CAPN8: variants seen among roughly 807,000 people sequenced by gnomAD.
CAPN8 encodes calpain-8.
A neutral mutation model predicts 80.9 loss-of-function variants in CAPN8; 87 were observed. That is an observed-to-expected ratio of 1.07 (90% CI 0.90 to 1.28). The LOEUF (loss-of-function observed/expected upper bound fraction) is 1.28, where lower values mean the gene tolerates loss of function less well. CAPN8 is among the 50% of genes most tolerant of loss of function. The pLI is 0.00. For synonymous variants in CAPN8, 299 were observed against 273.8 expected (o/e 1.09, Z -0.91); for missense variants, 757 against 702.0 (o/e 1.08, Z -0.89).
intron 16 of CAPN8, among the ~76,000 whole-genome samples, chr1:223,548,499 T>C (rs1656692855): frequency 6.6e-6 from 1 of 152,160 alleles, no homozygotes; most frequent in South Asian, 2.1e-4. Context: ...CTTTGGGAGG[T>C]AATTAGGTCA....
chr1:223,556,621 G>A (rs930091885), intron 13 of CAPN8, among the ~76,000 whole-genome samples: 1 of 152,176 alleles, frequency 6.6e-6, no homozygotes, highest in Admixed American at 6.5e-5. Context: ...CTGTTGCTTG[G>A]GAGCTTTAGA....
At chr1:223,644,845 C>T (rs1658145310) in intron 2 of CAPN8, among the ~76,000 whole-genome samples, 1 of 152,184 alleles carries the variant, frequency 6.6e-6, no homozygotes, top group South Asian at 2.1e-4. Context: ...CTGTAGGCAT[C>T]AGAGTTGTGG....
chr1:223,619,126 G>A (rs1023261307), intron 9 of CAPN8, among the ~76,000 whole-genome samples, 167 bp downstream of exon 9: 5 of 152,278 alleles, frequency 3.3e-5, no homozygotes, highest in Non-Finnish European at 4.4e-5. Flanking sequence ...CCCGGGAGGC[G>A]GAGGTTGTGA....
At chr1:223,642,566 G>C (rs1273121945) in intron 2 of CAPN8, 1 of 325,690 alleles carries the variant, frequency 3.1e-6, no homozygotes, top group Non-Finnish European at 6.0e-6. Flanking sequence ...GGGCCAGGGG[G>C]GTCTTCGGCT....
intron 10 of CAPN8, among the ~76,000 whole-genome samples, chr1:223,613,426 C>T (rs1657085712): frequency 2.6e-5 from 4 of 152,222 alleles, no homozygotes; most frequent in African/African-American, 4.8e-5. Context: ...CCACATGGGC[C>T]GTCTTTCCAC....
intron 11 of CAPN8, among the ~76,000 whole-genome samples, chr1:223,611,888 G>A (rs1272776360): frequency 3.3e-5 from 5 of 152,182 alleles, no homozygotes; most frequent in African/African-American, 1.2e-4. Flanking sequence ...AGCTGAGCAG[G>A]GTGGATGCAC....
intron 2 of CAPN8, among the ~76,000 whole-genome samples, chr1:223,648,558 T>C (rs1571734995): frequency 6.6e-6 from 1 of 152,192 alleles, no homozygotes; most frequent in East Asian, 1.9e-4. Flanking sequence ...AGGCCCCTGT[T>C]CCAGGAGCCC....
Position 223,628,811 on chromosome 1 carries a change from T to C in CAPN8, c.308-31A>G, listed in dbSNP as rs1344906471. The C allele has an allele frequency of 2.6e-6, 4 of 1,529,846 alleles. No homozygotes were observed. In the African/African-American group the frequency reaches 5.5e-5, roughly 21 times the overall value. 94.8% of individuals were successfully genotyped at this position (1,529,846 alleles called of 1,614,324 possible). On this transcript the variant is annotated intron_variant, in intron 2 of 20. Coordinates refer to ENST00000366872, the MANE Select transcript of CAPN8 (RefSeq NM_001143962.2). ...CAGTGTCACAGGGGACACAGATTGGTCAGGCCCAGCCTGCAGGGGCCCTGC... is the reference window on the plus strand; with the variant it reads ...CAGTGTCACAGGGGACACAGATTGGCCAGGCCCAGCCTGCAGGGGCCCTGC...
In CAPN8 at chr1:223,627,419, C is replaced by T. The variant is rs78116221; in HGVS notation, c.561-262G>A. Among the ~76,000 whole-genome samples, 1,425 of 152,322 alleles carry T rather than the reference C, an allele frequency of 9.4e-3. 98 individuals carry two copies. In the East Asian group the frequency reaches 0.15, roughly 16 times the overall value. The stretch of plus-strand genomic sequence containing the variant: ...CCAAGGGCAACCCCTCCAGAGTTGG[C>T]CCCAGCTGCCTGGGTTTCTGGGGGC... On this transcript the variant is annotated intron_variant, in intron 4 of 20. Coordinates refer to ENST00000366872, the MANE Select transcript of CAPN8 (RefSeq NM_001143962.2).
chr1:223,624,040 A>C (rs72747922), intron 6 of CAPN8, among the ~76,000 whole-genome samples: 3,190 of 152,056 alleles, frequency 0.021, 43 homozygotes, highest in Non-Finnish European at 0.034. Context: ...TTTATGAAAC[A>C]CAAACACATG....
intron 2 of CAPN8, among the ~76,000 whole-genome samples, chr1:223,631,969 C>T (rs929720771): frequency 1.3e-5 from 2 of 152,162 alleles, no homozygotes; most frequent in Non-Finnish European, 2.9e-5. Context: ...AAGCTTCTTC[C>T]GACAGCCCAC....
intron 17 of CAPN8, 111 bp from the exon 18 acceptor site, chr1:223,544,961 A>C (rs1313132863): frequency 6.6e-7 from 1 of 1,518,300 alleles, no homozygotes; most frequent in Non-Finnish European, 8.8e-7. Context: ...TTTCAAAAGG[A>C]GACCCTATTG....
At chr1:223,544,963 AC>A in intron 17 of CAPN8, 113 bp from the exon 18 acceptor site, 1 of 1,506,232 alleles carries the variant, frequency 6.6e-7, no homozygotes, top group East Asian at 2.5e-5. Flanking sequence ...TCAAAAGGAG[AC>A]CCTATTGACT....
In CAPN8 at chr1:223,628,578, C is replaced by T. The variant is rs78833421; in HGVS notation, c.426+84G>A. ...AAGACATAGGTCACTGTGCCCCAAA[C>T]CCAGAATTTCTGACGCAGTGGACCT... On this transcript the variant is annotated intron_variant, in intron 3 of 20. Transcript: ENST00000366872. 7.2e-3 allele frequency: 7,839 copies of T among 1,092,942 alleles called. 332 individuals carry two copies. In the African/African-American group the frequency reaches 0.1, roughly 14 times the overall value. 67.7% of individuals were successfully genotyped at this position (1,092,942 alleles called of 1,614,324 possible).
intron 8 of CAPN8, 67 bp from the exon 9 acceptor site, chr1:223,619,520 G>T (rs1657315345): frequency 6.6e-7 from 1 of 1,521,894 alleles, no homozygotes; most frequent in South Asian, 1.2e-5. Flanking sequence ...CACGCATACT[G>T]AGCACGGGAA....
intron 3 of CAPN8, among the ~76,000 whole-genome samples, 184 bp from the exon 4 acceptor site, chr1:223,628,326 G>C (rs1182081617): frequency 6.6e-6 from 1 of 152,182 alleles, no homozygotes; most frequent in Non-Finnish European, 1.5e-5. Context: ...GGAACATCTA[G>C]TCCAGGGTCT....
At chr1:223,543,005 G>A in intron 20 of CAPN8, 103 bp downstream of exon 20, 1 of 1,316,294 alleles carries the variant, frequency 7.6e-7, no homozygotes, top group Non-Finnish European at 1.1e-6. Flanking sequence ...TATTCACATG[G>A]AACTAAGACA....
At chr1:223,549,207 T>C in intron 16 of CAPN8, 111 bp downstream of exon 16, 1 of 1,381,710 alleles carries the variant, frequency 7.2e-7, no homozygotes, top group Non-Finnish European at 9.8e-7. Flanking sequence ...GCCTGCTCTC[T>C]CCCCTTCTCA....
chr1:223,640,677 G>A (rs191767724), intron 2 of CAPN8, among the ~76,000 whole-genome samples: 81 of 152,056 alleles, frequency 5.3e-4, no homozygotes, highest in Non-Finnish European at 9.9e-4. Context: ...TGCTGCCATC[G>A]CCTCCACTCC....
Sources: allele counts gnomAD v4.1 joint callset (sites outside exome capture counted in the v4.1 genomes callset), GRCh38; gene constraint gnomAD v4.1.1; transcripts MANE v1.5; gene names NCBI Gene and HGNC (gene_info 2026-07-23, HGNC 2026-07-21).